MPPED2: variants seen among roughly 807,000 people sequenced by gnomAD.
The protein encoded by MPPED2 is metallophosphoesterase domain containing 2, also known as metallophosphoesterase MPPED2.
In MPPED2, 5 loss-of-function variants were observed where a neutral mutation model predicts 33.0. The ratio of observed to expected loss-of-function variants is 0.15; its 90% CI spans 0.08 to 0.32. The LOEUF is 0.32. Among genes scored for constraint, MPPED2 ranks in the 10% least tolerant of loss-of-function variants. The probability of loss-of-function intolerance (pLI) is 1.00; values close to 1 mark genes in which losing one functional copy is unlikely to be tolerated. For missense variants in MPPED2, 275 were observed against 372.1 expected (o/e 0.74, Z 2.15); for synonymous variants, 136 against 141.9 (o/e 0.96, Z 0.29).
chr11:30,425,009 G>A (rs993537037), intron 4 of MPPED2, among the ~76,000 whole-genome samples: 10 of 152,186 alleles, frequency 6.6e-5, no homozygotes, highest in African/African-American at 2.4e-4. Context: ...CTCACCAGCT[G>A]TCTGATCCCA....
intron 6 of MPPED2, among the ~76,000 whole-genome samples, chr11:30,401,939 C>T (rs980264272): frequency 2.0e-5 from 3 of 151,646 alleles, no homozygotes; most frequent in Non-Finnish European, 4.4e-5. Flanking sequence ...CCTCGTGATC[C>T]GCCTGCCTCG....
chr11:30,447,030 A>G (rs1034356692), intron 4 of MPPED2, among the ~76,000 whole-genome samples: 6 of 152,202 alleles, frequency 3.9e-5, no homozygotes, highest in African/African-American at 1.4e-4. Context: ...GGAAAACAAA[A>G]GGTGATTTTA....
At chr11:30,470,349 T>C (rs1029877281) in intron 4 of MPPED2, among the ~76,000 whole-genome samples, 3 of 151,952 alleles carry the variant, frequency 2.0e-5, no homozygotes, top group South Asian at 4.2e-4. Flanking sequence ...ATGGGAGGAA[T>C]TTTTTTTAAA....
chr11:30,443,209 G>C (rs1174731998), intron 4 of MPPED2, among the ~76,000 whole-genome samples: 1 of 152,188 alleles, frequency 6.6e-6, no homozygotes. Context: ...AAGCATTTAT[G>C]ATGGGAAGAT....
intron 4 of MPPED2, among the ~76,000 whole-genome samples, chr11:30,439,770 G>A (rs1407469283): frequency 6.6e-6 from 1 of 152,174 alleles, no homozygotes; most frequent in Non-Finnish European, 1.5e-5. Flanking sequence ...TTTGTAATTT[G>A]TAACCTGTTT....
chr11:30,586,050 G>C lies in MPPED2; in HGVS notation c.-130C>G, dbSNP rs1957456223. The stretch of plus-strand genomic sequence containing the variant: ...TTCCCGGGGCGGATTACCTTTCCCG[G>C]GCTGCGCTCCGGATCCCGGGGATGC... On this transcript the variant is annotated 5_prime_UTR_variant, in exon 1 of 7. Transcript: ENST00000358117. The surrounding 1 kb of genome is among the most constrained non-coding windows in gnomAD (Gnocchi z 4.8). 6.6e-6 allele frequency: 1 copy of C among 152,376 alleles called. No individual in the cohort carries two copies. Among genetic ancestry groups the C allele is most frequent in the East Asian group, 2.0e-4 (1 of 5,118 alleles). 9.4% of individuals were successfully genotyped at this position (152,376 alleles called of 1,614,324 possible). A position where few individuals can be genotyped will look rare whatever the true frequency, so the allele number is the denominator to read the frequency against.
intron 4 of MPPED2, among the ~76,000 whole-genome samples, chr11:30,470,441 G>A (rs1248129936): frequency 1.3e-5 from 2 of 152,086 alleles, no homozygotes; most frequent in Non-Finnish European, 1.5e-5. Context: ...GCAGAGAAAT[G>A]GCCATTAGTA....
At chr11:30,546,039 C>T (rs567388401) in intron 2 of MPPED2, among the ~76,000 whole-genome samples, 3 of 152,182 alleles carry the variant, frequency 2.0e-5, no homozygotes, top group South Asian at 4.2e-4. Flanking sequence ...AGGCTGGTCT[C>T]GAACTCCTGA....
chr11:30,405,183 C>A lies in MPPED2; in HGVS notation c.766+9045G>T, dbSNP rs1357237709. On this transcript the variant is annotated intron_variant, in intron 6 of 6. Coordinates refer to the MPPED2 transcript ENST00000448418. ...CAAAAGGCATGGTGGTGAGCCCATG[C>A]AAACAGGGAGCATTTGGGTTCAAGT... Among the ~76,000 whole-genome samples the A allele has an allele frequency of 2.0e-5, 3 of 152,296 alleles. No individual in the cohort carries two copies. The East Asian group carries it at 5.8e-4, about 29-fold the overall frequency.
intron 4 of MPPED2, among the ~76,000 whole-genome samples, chr11:30,475,664 G>A (rs998942169): frequency 2.6e-4 from 39 of 152,210 alleles, no homozygotes; most frequent in African/African-American, 7.2e-4. Flanking sequence ...GTATTCCAAT[G>A]TACAGGTTGT....
intron 3 of MPPED2, among the ~76,000 whole-genome samples, chr11:30,516,311 G>GTTA (rs1324321369): frequency 2.6e-5 from 4 of 151,950 alleles, no homozygotes; most frequent in African/African-American, 9.7e-5. Context: ...TCCAAGTCTC[G>GTTA]TTATTATTAT....
chr11:30,569,537 AC>A (rs1590895075), intron 2 of MPPED2, among the ~76,000 whole-genome samples: 1 of 152,154 alleles, frequency 6.6e-6, no homozygotes, highest in Non-Finnish European at 1.5e-5. Context: ...AAACAAGTTA[AC>A]CTGTAAAAGT....
intron 3 of MPPED2, among the ~76,000 whole-genome samples, chr11:30,499,564 C>T (rs558643651): frequency 1.3e-5 from 2 of 152,270 alleles, no homozygotes; most frequent in South Asian, 4.1e-4. Flanking sequence ...CATCTCCTCT[C>T]TTTGATATTT....
In MPPED2 at chr11:30,443,631, G is replaced by A. The variant is rs551946533; in HGVS notation, c.537-25998C>T. Among the ~76,000 whole-genome samples, 10 of 152,284 alleles carry A rather than the reference G, an allele frequency of 6.6e-5. No individual in the cohort carries two copies. In the South Asian group the frequency reaches 2.1e-3, roughly 32 times the overall value. ...CCAGATTGCAGTAGTAAGGACCTGG[G>A]TTCAAATCATGGCTCTGTAGAATGA... On this transcript the variant is annotated intron_variant, in intron 4 of 6. Coordinates refer to ENST00000358117, the MANE Select transcript of MPPED2 (RefSeq NM_001584.3).
chr11:30,483,041 A>C (rs1422467931), intron 4 of MPPED2, among the ~76,000 whole-genome samples: 3 of 152,168 alleles, frequency 2.0e-5, no homozygotes, highest in Non-Finnish European at 4.4e-5. Context: ...ATACCCTGAA[A>C]ATTCGCTCGT....
At chr11:30,577,133 C>A (rs990090436) in intron 2 of MPPED2, among the ~76,000 whole-genome samples, 5 of 152,142 alleles carry the variant, frequency 3.3e-5, no homozygotes, top group African/African-American at 1.2e-4. Flanking sequence ...CTTAGCAAGT[C>A]AGAGCTAAAA....
chr11:30,544,012 A>G (rs1385903353), intron 2 of MPPED2, among the ~76,000 whole-genome samples: 1 of 152,132 alleles, frequency 6.6e-6, no homozygotes, highest in Non-Finnish European at 1.5e-5. Context: ...AACAAAGCCC[A>G]CTGCACGGAG....
intron 4 of MPPED2, among the ~76,000 whole-genome samples, chr11:30,440,330 C>CA (rs34148273): frequency 0.28 from 33,917 of 122,822 alleles, 4,767 homozygotes; most frequent in Non-Finnish European, 0.37. Flanking sequence ...ACTCCGTCTC[C>CA]AAAAAAAAAA....
At chr11:30,387,058 G>T (rs184000797) in exon 7 of MPPED2, 1 of 319,230 alleles carries the variant, frequency 3.1e-6, no homozygotes, top group Admixed American at 5.0e-5. Flanking sequence ...ACTGCACAGC[G>T]TGCACGCATA....
Sources: gnomAD v4.1 joint callset for allele counts (sites outside exome capture counted in the v4.1 genomes callset) on GRCh38, gnomAD v4.1.1 for gene constraint, Gnocchi (gnomAD v3.1) non-coding constraint, MANE v1.5 for transcripts, NCBI Gene and HGNC (gene_info 2026-07-23, HGNC 2026-07-21) for gene names.